ADARB2: variants seen among roughly 807,000 people sequenced by gnomAD.
ADARB2 encodes the protein adenosine deaminase RNA specific B2 (inactive), also known as inactive double-stranded RNA-specific editase B2.
A neutral mutation model predicts 62.2 loss-of-function variants in ADARB2; 25 were observed. The observed-to-expected ratio is 0.40, with a 90% confidence interval of 0.29 to 0.56. The LOEUF is 0.56. Among genes scored for constraint, ADARB2 ranks in the 20% least tolerant of loss-of-function variants. The pLI is 0.43. For synonymous variants in ADARB2, 572 were observed against 500.8 expected, an observed-to-expected ratio of 1.14 and a Z score of -1.90; for missense variants, 1,071 against 1,077.4, an observed-to-expected ratio of 0.99 and a Z score of 0.08.
intron 1 of ADARB2, among the ~76,000 whole-genome samples, chr10:1,499,072 A>C (rs1011021953): frequency 6.6e-6 from 1 of 151,918 alleles, no homozygotes; most frequent in Non-Finnish European, 1.5e-5. Flanking sequence ...ATTACTCTTC[A>C]TTAATCATTC....
chr10:1,286,596 T>C (rs1831416315), intron 3 of ADARB2, among the ~76,000 whole-genome samples: 1 of 152,152 alleles, frequency 6.6e-6, no homozygotes. Flanking sequence ...AAACTTGGGA[T>C]CAGAAGAACC....
intron 1 of ADARB2, among the ~76,000 whole-genome samples, chr10:1,415,830 T>G (rs899812637): frequency 2.0e-5 from 3 of 152,252 alleles, no homozygotes; most frequent in Non-Finnish European, 4.4e-5. Context: ...AATTGCCACC[T>G]CTTCCATGCA....
chr10:1,244,324 A>G (rs951136844), intron 4 of ADARB2, among the ~76,000 whole-genome samples: 3 of 152,264 alleles, frequency 2.0e-5, no homozygotes, highest in Non-Finnish European at 2.9e-5. Context: ...AAACACATTG[A>G]TAACGATTCC....
At chr10:1,475,134 A>T (rs1013168227) in intron 1 of ADARB2, among the ~76,000 whole-genome samples, 2 of 152,150 alleles carry the variant, frequency 1.3e-5, no homozygotes, top group African/African-American at 4.8e-5. Flanking sequence ...CTCAGTCAGC[A>T]GGAGGACCCC....
intron 1 of ADARB2, among the ~76,000 whole-genome samples, chr10:1,627,645 A>G (rs1833787306): frequency 6.6e-6 from 1 of 152,194 alleles, no homozygotes; most frequent in Admixed American, 6.5e-5. Context: ...GTCATAAGAA[A>G]TGGAGATGCA....
chr10:1,642,428 C>A (rs1454638889), intron 1 of ADARB2, among the ~76,000 whole-genome samples: 1 of 152,200 alleles, frequency 6.6e-6, no homozygotes, highest in African/African-American at 2.4e-5. Context: ...ACATCGTCAA[C>A]AGCAGAGGCA....
intron 6 of ADARB2, among the ~76,000 whole-genome samples, chr10:1,225,197 C>T (rs896895589): frequency 1.6e-4 from 24 of 152,098 alleles, no homozygotes; most frequent in South Asian, 6.2e-4. Context: ...TTTTGATCTT[C>T]GTTGGTTTAA....
At chr10:1,381,640 C>T (rs1210422666) in intron 1 of ADARB2, among the ~76,000 whole-genome samples, 3 of 152,166 alleles carry the variant, frequency 2.0e-5, no homozygotes, top group Non-Finnish European at 4.4e-5. Flanking sequence ...TACAGCCAAG[C>T]AACAGATTAG....
At chr10:1,334,279 G>A (rs989538873) in intron 3 of ADARB2, among the ~76,000 whole-genome samples, 1 of 152,176 alleles carries the variant, frequency 6.6e-6, no homozygotes, top group South Asian at 2.1e-4. Context: ...ATCAGGCCGC[G>A]GCTTTTGGTC....
chr10:1,548,838 T>G (rs945465485), intron 1 of ADARB2, among the ~76,000 whole-genome samples: 4 of 151,528 alleles, frequency 2.6e-5, no homozygotes, highest in African/African-American at 9.7e-5. Context: ...CTGGGAAGAG[T>G]TATTTTGTGA....
At chr10:1,526,529 G>A (rs1832146000) in intron 1 of ADARB2, 2 of 180,462 alleles carry the variant, frequency 1.1e-5, no homozygotes, top group African/African-American at 4.8e-5. Flanking sequence ...GTTGCAGTGA[G>A]AGCTGATTGG....
chr10:1,242,634 G>T (rs1375777147), intron 4 of ADARB2, among the ~76,000 whole-genome samples: 1 of 152,162 alleles, frequency 6.6e-6, no homozygotes, highest in South Asian at 2.1e-4. Flanking sequence ...TGAGTCCCAG[G>T]TCCCCTGTGA....
At chr10:1,389,354 T>G (rs769755199) in intron 1 of ADARB2, among the ~76,000 whole-genome samples, 1 of 152,192 alleles carries the variant, frequency 6.6e-6, no homozygotes, top group Non-Finnish European at 1.5e-5. Flanking sequence ...CTAAAAGGAA[T>G]GGATAGATTG....
At chr10:1,349,067 G>T (rs1011328444) in intron 3 of ADARB2, among the ~76,000 whole-genome samples, 19 of 152,146 alleles carry the variant, frequency 1.2e-4, no homozygotes, top group Non-Finnish European at 2.4e-4. Flanking sequence ...TGACCTGCAG[G>T]TACACATCCA....
chr10:1,685,374 C>T lies in ADARB2; in HGVS notation c.100+51677G>A, dbSNP rs569684758. On this transcript the variant is annotated intron_variant, in intron 1 of 9. Transcript: ENST00000381312. Reference sequence around the variant, plus strand: ...ACCGAGCAACACGAATGACTCCATACATGCGATTTCATGGGTACAGCTTCA... The same window carrying T: ...ACCGAGCAACACGAATGACTCCATATATGCGATTTCATGGGTACAGCTTCA... Among the ~76,000 whole-genome samples the T allele has an allele frequency of 1.3e-4, 20 of 152,304 alleles. No individual in the cohort carries two copies. The South Asian group carries it at 3.9e-3, about 30-fold the overall frequency.
At chr10:1,250,927 T>C (rs1459034133) in intron 4 of ADARB2, among the ~76,000 whole-genome samples, 1 of 152,072 alleles carries the variant, frequency 6.6e-6, no homozygotes, top group Non-Finnish European at 1.5e-5. Context: ...GTCCAGAAAT[T>C]GACCCAACAC....
chr10:1,727,355 A>G (rs1041138417), intron 1 of ADARB2, among the ~76,000 whole-genome samples: 2 of 152,182 alleles, frequency 1.3e-5, no homozygotes, highest in Non-Finnish European at 2.9e-5. Flanking sequence ...AAAGGTGGTC[A>G]TGGAAGCCAC....
intron 8 of ADARB2, among the ~76,000 whole-genome samples, chr10:1,187,246 G>A (rs1230839494): frequency 2.0e-5 from 3 of 152,244 alleles, no homozygotes; most frequent in South Asian, 2.1e-4. Flanking sequence ...GGCAGGGGCC[G>A]CCTGGGCAGG....
intron 1 of ADARB2, among the ~76,000 whole-genome samples, chr10:1,652,241 C>G (rs1462867059): frequency 6.6e-6 from 1 of 152,214 alleles, no homozygotes; most frequent in African/African-American, 2.4e-5. Context: ...GCATGGCTGC[C>G]CAGTCTCAGC....
Sources: allele counts gnomAD v4.1 joint callset (sites outside exome capture counted in the v4.1 genomes callset), GRCh38; gene constraint gnomAD v4.1.1; transcripts MANE v1.5; gene names NCBI Gene and HGNC (gene_info 2026-07-23, HGNC 2026-07-21).